Variants in DLG2 observed in about 807,000 individuals in gnomAD.
DLG2 encodes the protein discs large MAGUK scaffold protein 2.
Under a neutral mutation model 132.5 loss-of-function variants are expected in DLG2, and 45 were observed. The ratio of observed to expected loss-of-function variants is 0.34; its 90% confidence interval spans 0.27 to 0.44. The LOEUF (loss-of-function observed/expected upper bound fraction) is 0.44. Ranked by LOEUF, DLG2 falls within the 20% of genes least tolerant of loss-of-function variation. DLG2 has a pLI of 1.00. For missense variants in DLG2, 1,045 were observed against 1,196.9 expected (o/e 0.87, Z 1.87); for synonymous variants, 424 against 419.6 (o/e 1.01, Z -0.13).
chr11:84,814,246 G>A (rs1205471377), intron 6 of DLG2, among the ~76,000 whole-genome samples: 1 of 152,036 alleles, frequency 6.6e-6, no homozygotes, highest in Non-Finnish European at 1.5e-5. Flanking sequence ...CACCCAGCAC[G>A]TTGAGCAGTG....
At chr11:83,935,817 T>C (rs1000235103) in intron 14 of DLG2, among the ~76,000 whole-genome samples, 7 of 152,228 alleles carry the variant, frequency 4.6e-5, no homozygotes, top group Non-Finnish European at 1.0e-4. Flanking sequence ...CCATGTTAAG[T>C]ACAAGCAAAC....
intron 3 of DLG2, among the ~76,000 whole-genome samples, chr11:85,293,629 G>C (rs1484490574): frequency 6.6e-6 from 1 of 151,994 alleles, no homozygotes; most frequent in East Asian, 1.9e-4. Flanking sequence ...GGTAAGAAAA[G>C]AAAAGCTTAT....
chr11:85,478,346 T>C (rs2093202188), intron 3 of DLG2, among the ~76,000 whole-genome samples: 1 of 152,144 alleles, frequency 6.6e-6, no homozygotes, highest in African/African-American at 2.4e-5. Flanking sequence ...TAGAGTGTAA[T>C]TATTCTAATA....
chr11:84,127,698 C>T (rs2094240432), intron 9 of DLG2, among the ~76,000 whole-genome samples: 1 of 152,138 alleles, frequency 6.6e-6, no homozygotes, highest in South Asian at 2.1e-4. Context: ...CCTTCAAAAG[C>T]CCTGGGATTA....
chr11:84,045,381 T>A (rs1408887398), intron 11 of DLG2, among the ~76,000 whole-genome samples: 1 of 151,750 alleles, frequency 6.6e-6, no homozygotes, highest in Admixed American at 6.6e-5. Context: ...TAGGTCCAGA[T>A]GCTAGGTGCA....
chr11:84,339,568 T>A (rs2154404934), intron 7 of DLG2, among the ~76,000 whole-genome samples: 1 of 152,318 alleles, frequency 6.6e-6, no homozygotes, highest in Non-Finnish European at 1.5e-5. Context: ...GCACAAGTCT[T>A]ATGTCAACAT....
intron 6 of DLG2, among the ~76,000 whole-genome samples, chr11:84,806,102 T>A (rs921846831): frequency 2.9e-4 from 44 of 151,958 alleles, no homozygotes; most frequent in African/African-American, 1.0e-3. Context: ...AAAGAAACAA[T>A]CAGTGAACTG....
At chr11:84,786,434 T>A (rs2072905760) in intron 6 of DLG2, among the ~76,000 whole-genome samples, 1 of 152,152 alleles carries the variant, frequency 6.6e-6, no homozygotes, top group African/African-American at 2.4e-5. Flanking sequence ...AATTATCAAT[T>A]CCAAGCTAGG....
At chr11:84,065,902 C>A (rs2096663425) in intron 10 of DLG2, among the ~76,000 whole-genome samples, 1 of 152,086 alleles carries the variant, frequency 6.6e-6, no homozygotes, top group African/African-American at 2.4e-5. Flanking sequence ...GTAATGAGAT[C>A]ATGTCCTTTA....
chr11:84,954,280 T>C (rs938978233), intron 6 of DLG2, among the ~76,000 whole-genome samples: 2 of 148,242 alleles, frequency 1.3e-5, no homozygotes, highest in Admixed American at 6.8e-5. Flanking sequence ...CTCTCTGTGA[T>C]AAAATAGCAA....
At chr11:85,415,338 A>G (rs2089732820) in intron 3 of DLG2, among the ~76,000 whole-genome samples, 1 of 152,146 alleles carries the variant, frequency 6.6e-6, no homozygotes, top group South Asian at 2.1e-4. Context: ...ATGTGTCTTT[A>G]TAGTAGAATG....
intron 9 of DLG2, among the ~76,000 whole-genome samples, chr11:84,162,056 T>C (rs1197340269): frequency 2.6e-5 from 4 of 152,204 alleles, no homozygotes; most frequent in African/African-American, 4.8e-5. Context: ...GGAAAGTGAA[T>C]AATTAGTAAA....
chr11:84,548,886 T>C (rs1019775536), intron 6 of DLG2, among the ~76,000 whole-genome samples: 5 of 152,204 alleles, frequency 3.3e-5, no homozygotes, highest in African/African-American at 1.2e-4. Flanking sequence ...TGGAAGAATA[T>C]ACTAATATGT....
chr11:83,990,269 A>C (rs926877663), intron 11 of DLG2, among the ~76,000 whole-genome samples: 2 of 152,154 alleles, frequency 1.3e-5, no homozygotes, highest in African/African-American at 4.8e-5. Flanking sequence ...CTTGACGCAC[A>C]TACAGAATTT....
At chr11:84,635,426 T>C (rs901776415) in intron 6 of DLG2, among the ~76,000 whole-genome samples, 2 of 152,170 alleles carry the variant, frequency 1.3e-5, no homozygotes, top group Non-Finnish European at 2.9e-5. Context: ...GTGAAAAATA[T>C]ACAGGCGTGC....
intron 7 of DLG2, among the ~76,000 whole-genome samples, chr11:84,317,769 T>A (rs1194273928): frequency 6.6e-6 from 1 of 152,178 alleles, no homozygotes; most frequent in Non-Finnish European, 1.5e-5. Flanking sequence ...AGTAACTATA[T>A]AAGATCATCA....
At chr11:84,588,227 G>A (rs1006174479) in intron 6 of DLG2, among the ~76,000 whole-genome samples, 7 of 152,136 alleles carry the variant, frequency 4.6e-5, no homozygotes. Flanking sequence ...ATAAGAAGAT[G>A]CAGTTTGACT....
chr11:83,583,634 C>T (rs2097023063), intron 19 of DLG2, among the ~76,000 whole-genome samples: 1 of 152,214 alleles, frequency 6.6e-6, no homozygotes, highest in Non-Finnish European at 1.5e-5. Context: ...AATGAGTCAA[C>T]TGATACAGTT....
intron 3 of DLG2, among the ~76,000 whole-genome samples, chr11:85,369,119 G>C (rs1429220855): frequency 6.6e-6 from 1 of 152,076 alleles, no homozygotes; most frequent in Non-Finnish European, 1.5e-5. Context: ...TGAGGGTGGG[G>C]GAAACAAGCC....
Sources: gnomAD v4.1 joint callset for allele counts (sites outside exome capture counted in the v4.1 genomes callset) on GRCh38, gnomAD v4.1.1 for gene constraint, MANE v1.5 for transcripts, NCBI Gene and HGNC (gene_info 2026-07-23, HGNC 2026-07-21) for gene names.